Variants in DMD observed in about 807,000 individuals in gnomAD.
DMD encodes the protein dystrophin, also known as mutant dystrophin.
In DMD, 63 loss-of-function variants were observed where a neutral mutation model predicts 330.1. That is an observed-to-expected ratio of 0.19 (90% CI 0.16 to 0.24). The LOEUF (loss-of-function observed/expected upper bound fraction) is 0.24. DMD is among the 10% of genes least tolerant of loss of function. The pLI, the probability that DMD is intolerant of heterozygous loss-of-function variation, is 1.00. For missense variants in DMD, 3,344 were observed against 2,684.1 expected (o/e 1.25, Z -5.43); for synonymous variants, 1,223 against 959.8 (o/e 1.27, Z -5.07).
In DMD at chrX:31,897,500, C is replaced by T. The variant is rs367639252; in HGVS notation, c.6913-22127G>A. On this transcript the variant is annotated intron_variant, in intron 47 of 78. Transcript: ENST00000357033. ...CTAGATCCCTGAGGAATCGCCACAC[C>T]GACTTCCACAATGGTTGAACTAGTT... is the stretch of plus-strand genomic sequence containing the variant. Among the ~76,000 whole-genome samples, 302 of 97,324 alleles carry T rather than the reference C, an allele frequency of 3.1e-3. 1 individual carries two copies. The highest frequency in any genetic ancestry group is 8.4e-3 in the African/African-American group (221 of 26,325). The allele number at this position is 97,324 out of a possible 115,157, so 84.5% of individuals were successfully genotyped here. A position where few individuals can be genotyped will look rare whatever the true frequency, so the allele number is the denominator to read the frequency against.
chrX:32,838,636 C>G (rs761864112), intron 4 of DMD, among the ~76,000 whole-genome samples: 2 of 111,800 alleles, frequency 1.8e-5, no homozygotes, highest in African/African-American at 6.5e-5. Flanking sequence ...TTTTCTTAAT[C>G]CAGTCTATCA....
intron 16 of DMD, among the ~76,000 whole-genome samples, chrX:32,548,932 C>T (rs1189988907): frequency 2.7e-5 from 3 of 111,424 alleles, no homozygotes; most frequent in Non-Finnish European, 5.7e-5. Context: ...TATAGTTTGA[C>T]CTATATTCAA....
chrX:32,848,594 G>A (rs1472530460), intron 3 of DMD, among the ~76,000 whole-genome samples: 4 of 78,495 alleles, frequency 5.1e-5, no homozygotes, highest in African/African-American at 2.0e-4. Flanking sequence ...TCACATAGCT[G>A]AAGATAAAAA....
chrX:33,176,570 G>GTA (rs1477815137), intron 1 of DMD, among the ~76,000 whole-genome samples: 1 of 109,774 alleles, frequency 9.1e-6, no homozygotes, highest in Non-Finnish European at 1.9e-5. Context: ...GTGTGTGTGT[G>GTA]TGTGTGTGTG....
intron 1 of DMD, among the ~76,000 whole-genome samples, chrX:33,267,068 C>T (rs751044040): frequency 2.7e-5 from 3 of 111,216 alleles, no homozygotes; most frequent in South Asian, 3.8e-4. Context: ...TTTTCACTGA[C>T]GGTATGATTC....
Position 32,589,463 on chromosome X carries a change from T to C in DMD, c.1602+6294A>G, listed in dbSNP as rs191445048. Among the ~76,000 whole-genome samples, 33 of 110,630 alleles carry C rather than the reference T, an allele frequency of 3.0e-4. 1 individual carries two copies. In the East Asian group the frequency reaches 8.8e-3, roughly 29 times the overall value. The stretch of plus-strand genomic sequence containing the variant: ...GTATGTATATACATATATATACATA[T>C]GCACAAAGATGTACGTATGTATATA... On this transcript the variant is annotated intron_variant, in intron 13 of 78. Transcript: ENST00000357033.
intron 67 of DMD, among the ~76,000 whole-genome samples, chrX:31,192,293 G>A (rs1390396571): frequency 1.8e-5 from 2 of 112,072 alleles, no homozygotes; most frequent in Admixed American, 9.5e-5. Flanking sequence ...AAATAAAACA[G>A]AAGGAAGGTG....
chrX:32,498,915 T>TCC (rs1236755282), intron 19 of DMD, among the ~76,000 whole-genome samples: 2 of 111,481 alleles, frequency 1.8e-5, no homozygotes, highest in Non-Finnish European at 3.8e-5. Flanking sequence ...TAACACCCTA[T>TCC]CCTGTCTTCT....
intron 44 of DMD, among the ~76,000 whole-genome samples, chrX:32,147,959 C>G (rs1189164889): frequency 2.9e-5 from 3 of 105,098 alleles, no homozygotes; most frequent in Non-Finnish European, 3.9e-5. Context: ...CTCACTGCAA[C>G]CTCCACCTCC....
chrX:32,427,343 A>T (rs2098217233), intron 29 of DMD, among the ~76,000 whole-genome samples: 1 of 111,316 alleles, frequency 9.0e-6, no homozygotes. Flanking sequence ...ACACAATAGA[A>T]GGCTGGATAT....
intron 7 of DMD, among the ~76,000 whole-genome samples, chrX:32,714,669 A>G (rs772004367): frequency 1.8e-5 from 2 of 111,946 alleles, no homozygotes; most frequent in African/African-American, 3.2e-5. Context: ...AGGGAGAACT[A>G]GCATTTTCAT....
intron 4 of DMD, among the ~76,000 whole-genome samples, chrX:32,825,953 C>T (rs5928080): frequency 0.44 from 47,118 of 106,709 alleles, 7,851 homozygotes; most frequent in Admixed American, 0.52. Context: ...GACTACCCAA[C>T]AACAGAAATA....
At chrX:32,936,134 G>A (rs1391012733) in intron 2 of DMD, among the ~76,000 whole-genome samples, 3 of 107,990 alleles carry the variant, frequency 2.8e-5, no homozygotes, top group African/African-American at 1.0e-4. Flanking sequence ...TTCTGGAGAC[G>A]GAGTTTTGCT....
chrX:31,872,393 C>G (rs2093905486), intron 48 of DMD, among the ~76,000 whole-genome samples: 1 of 111,367 alleles, frequency 9.0e-6, no homozygotes, highest in Non-Finnish European at 1.9e-5. Context: ...TTGGCAGAGC[C>G]CTATGGGCCA....
Position 32,360,879 on chromosome X carries a change from AAAG to A in DMD, c.5325+1906_5325+1908del, listed in dbSNP as rs1363346678. On this transcript the variant is annotated intron_variant, in intron 37 of 78. Coordinates refer to ENST00000357033, the MANE Select transcript of DMD (RefSeq NM_004006.3). ...ATGCCTTATGTTTCTAGGGAAAATAAAAGAAGTTCATAGAGTGGATCACTTTAT... is the reference window on the plus strand; with the variant it reads ...ATGCCTTATGTTTCTAGGGAAAATAAAAGTTCATAGAGTGGATCACTTTAT... Among the ~76,000 whole-genome samples the A allele has an allele frequency of 2.7e-5, 3 of 110,384 alleles. No individual in the cohort carries two copies. The South Asian group carries it at 1.1e-3, about 42-fold the overall frequency.
At chrX:33,041,502 G>C in intron 1 of DMD, 2 of 1,207,330 alleles carry the variant, frequency 1.7e-6, no homozygotes, top group East Asian at 3.0e-5. Flanking sequence ...AAGAAGAAAA[G>C]ATTGAAAAAA....
At chrX:31,356,044 T>G (rs1461847716) in intron 60 of DMD, among the ~76,000 whole-genome samples, 2 of 111,401 alleles carry the variant, frequency 1.8e-5, no homozygotes. Context: ...ATGCAAAGAT[T>G]AACTGAATTG....
intron 44 of DMD, among the ~76,000 whole-genome samples, chrX:32,100,125 TA>T (rs2096532673): frequency 9.1e-6 from 1 of 110,321 alleles, no homozygotes; most frequent in Non-Finnish European, 1.9e-5. Flanking sequence ...AAGGGAGAAG[TA>T]AAAAGGAAAA....
chrX:32,565,616 T>G, intron 16 of DMD, 86 bp downstream of exon 16: 1 of 980,406 alleles, frequency 1.0e-6, no homozygotes, highest in South Asian at 2.1e-5. Flanking sequence ...TGGTTGCTTC[T>G]TTTGTAGGGT....
Sources: allele counts gnomAD v4.1 joint callset (sites outside exome capture counted in the v4.1 genomes callset), GRCh38; gene constraint gnomAD v4.1.1; transcripts MANE v1.5; gene names NCBI Gene and HGNC (gene_info 2026-07-23, HGNC 2026-07-21).